The following KCNH1 variants were observed in gnomAD, a reference collection of about 807,000 sequenced individuals.
KCNH1 encodes potassium voltage-gated channel subfamily H member 1, also known as voltage-gated delayed rectifier potassium channel KCNH1.
In KCNH1, 27 loss-of-function variants were observed where a neutral mutation model predicts 69.2. The ratio of observed to expected loss-of-function variants is 0.39; its 90% CI spans 0.29 to 0.54. The LOEUF (loss-of-function observed/expected upper bound fraction) is 0.54, where lower values mean the gene tolerates loss of function less well. KCNH1 is among the 20% of genes least tolerant of loss of function. The pLI is 0.68. For synonymous variants in KCNH1, 456 were observed against 487.7 expected, an observed-to-expected ratio of 0.93 and a Z score of 0.86; for missense variants, 798 against 1,261.6, an observed-to-expected ratio of 0.63 and a Z score of 5.57.
At chr1:210,977,292 C>T (rs1383846763) in intron 6 of KCNH1, among the ~76,000 whole-genome samples, 3 of 152,042 alleles carry the variant, frequency 2.0e-5, no homozygotes, top group Non-Finnish European at 4.4e-5. Context: ...TGGGGCCTGT[C>T]GTGAGGTGGG....
At chr1:211,100,541 G>A (rs896911773) in intron 3 of KCNH1, among the ~76,000 whole-genome samples, 2 of 152,070 alleles carry the variant, frequency 1.3e-5, no homozygotes, top group East Asian at 3.9e-4. Flanking sequence ...TAGTAGATGG[G>A]GGTTTCACCA....
chr1:210,900,941 C>T (rs1686982302), intron 7 of KCNH1, among the ~76,000 whole-genome samples: 1 of 152,098 alleles, frequency 6.6e-6, no homozygotes, highest in African/African-American at 2.4e-5. Flanking sequence ...AACACAGACA[C>T]CCCTCCCTCC....
At position 210,903,076 on chromosome 1, in the gene KCNH1, T is replaced by C. The variant is rs545066320; in HGVS notation, c.1462+16564A>G. Among the ~76,000 whole-genome samples, 80 of 152,252 alleles carry C rather than the reference T, an allele frequency of 5.3e-4. 2 individuals carry two copies. In the South Asian group the frequency reaches 0.016, roughly 31 times the overall value. On this transcript the variant is annotated intron_variant, in intron 7 of 10. Transcript: ENST00000271751. ...TGCATTTCATTCTCCTCAAATGCAC[T>C]GGGTTCTCTGGTCTGCCTCCATGCC...
In KCNH1 at chr1:210,766,771, C is replaced by T. The variant is rs189275312; in HGVS notation, c.2112+8577G>A. On this transcript the variant is annotated intron_variant, in intron 10 of 10. Coordinates refer to ENST00000271751, the MANE Select transcript of KCNH1 (RefSeq NM_172362.3). ...TTTGCAGAGAGATAAACCAAAACCGCGTGGACCTCTGACATACATTATACC... is the reference window on the plus strand; with the variant it reads ...TTTGCAGAGAGATAAACCAAAACCGTGTGGACCTCTGACATACATTATACC... Among the ~76,000 whole-genome samples, 596 of 152,284 alleles carry T rather than the reference C, an allele frequency of 3.9e-3. 4 individuals carry two copies. Among genetic ancestry groups the T allele is most frequent in the Non-Finnish European group, 3.9e-3 (264 of 68,022 alleles).
At chr1:210,753,376 A>T (rs187059009) in intron 10 of KCNH1, among the ~76,000 whole-genome samples, 1 of 152,332 alleles carries the variant, frequency 6.6e-6, no homozygotes, top group East Asian at 1.9e-4. Flanking sequence ...AAGACACTCA[A>T]ATAAGGTGGA....
At chr1:211,024,955 C>A (rs184432704) in intron 5 of KCNH1, among the ~76,000 whole-genome samples, 35 of 152,252 alleles carry the variant, frequency 2.3e-4, no homozygotes, top group African/African-American at 8.2e-4. Context: ...GACAGGATCA[C>A]AAAACAGATC....
At chr1:211,083,109 C>T (rs781057362) in intron 4 of KCNH1, among the ~76,000 whole-genome samples, 2 of 152,234 alleles carry the variant, frequency 1.3e-5, no homozygotes, top group Non-Finnish European at 2.9e-5. Context: ...TTCACTTCAT[C>T]CTAATCGTAG....
At chr1:211,033,101 G>A (rs1394550591) in intron 5 of KCNH1, among the ~76,000 whole-genome samples, 1 of 152,188 alleles carries the variant, frequency 6.6e-6, no homozygotes, top group East Asian at 1.9e-4. Context: ...AGTGGATGAA[G>A]GATATGAACA....
intron 10 of KCNH1, among the ~76,000 whole-genome samples, chr1:210,763,930 G>T (rs377023386): frequency 6.6e-6 from 1 of 151,982 alleles, no homozygotes; most frequent in Admixed American, 6.6e-5. Flanking sequence ...TACACAAAAA[G>T]AGTAAAGCTG....
At chr1:211,095,952 A>G (rs956633026) in intron 3 of KCNH1, among the ~76,000 whole-genome samples, 55 of 152,310 alleles carry the variant, frequency 3.6e-4, no homozygotes, top group Admixed American at 1.6e-3. Flanking sequence ...TTCTCTCACC[A>G]TCAGCCTCTT....
intron 6 of KCNH1, among the ~76,000 whole-genome samples, chr1:211,008,258 C>A (rs1689322414): frequency 1.3e-5 from 2 of 152,132 alleles, no homozygotes; most frequent in Non-Finnish European, 2.9e-5. Flanking sequence ...ATGAATAAAC[C>A]TTGATGACAT....
chr1:210,726,436 G>C (rs1298871624), intron 10 of KCNH1, among the ~76,000 whole-genome samples: 1 of 152,182 alleles, frequency 6.6e-6, no homozygotes, highest in Non-Finnish European at 1.5e-5. Context: ...TGGCATCTGG[G>C]TCCTGAAGTG....
At chr1:210,888,306 C>G (rs1404570145) in intron 7 of KCNH1, among the ~76,000 whole-genome samples, 1 of 152,144 alleles carries the variant, frequency 6.6e-6, no homozygotes, top group African/African-American at 2.4e-5. Context: ...TCCTGAATGA[C>G]TACCGGGTAA....
intron 5 of KCNH1, among the ~76,000 whole-genome samples, chr1:211,043,475 C>CA (rs778125239): frequency 1.1e-4 from 16 of 151,202 alleles, no homozygotes; most frequent in Admixed American, 2.0e-4. Context: ...AAATTACCAA[C>CA]AAAAAAAAAT....
chr1:210,926,506 G>A (rs1213305044), intron 6 of KCNH1, among the ~76,000 whole-genome samples: 1 of 152,126 alleles, frequency 6.6e-6, no homozygotes, highest in Non-Finnish European at 1.5e-5. Flanking sequence ...CCATTCCTAG[G>A]GGAAGGGGGA....
chr1:210,969,835 CT>C (rs1242401483), intron 6 of KCNH1, among the ~76,000 whole-genome samples: 1 of 151,890 alleles, frequency 6.6e-6, no homozygotes, highest in Non-Finnish European at 1.5e-5. Flanking sequence ...TTAAATCTTT[CT>C]TCTTTGATAT....
At chr1:211,018,357 T>C (rs537324191) in intron 6 of KCNH1, among the ~76,000 whole-genome samples, 1 of 152,372 alleles carries the variant, frequency 6.6e-6, no homozygotes, top group South Asian at 2.1e-4. Context: ...AAAATGGTAT[T>C]CCTGTTACCA....
intron 6 of KCNH1, among the ~76,000 whole-genome samples, chr1:210,946,695 C>T (rs1449829872): frequency 6.6e-6 from 1 of 152,170 alleles, no homozygotes; most frequent in Non-Finnish European, 1.5e-5. Flanking sequence ...CCTGCCTGCT[C>T]CTCCTGCCTT....
chr1:210,999,044 G>A (rs2102397984), intron 6 of KCNH1, among the ~76,000 whole-genome samples: 1 of 152,230 alleles, frequency 6.6e-6, no homozygotes, highest in East Asian at 1.9e-4. Flanking sequence ...AGCACTACAT[G>A]CCCACAAGAG....
Sources: allele counts gnomAD v4.1 joint callset (sites outside exome capture counted in the v4.1 genomes callset), GRCh38; gene constraint gnomAD v4.1.1; transcripts MANE v1.5; gene names NCBI Gene and HGNC (gene_info 2026-07-23, HGNC 2026-07-21).